The following TBXAS1 variants were observed in gnomAD, a reference collection of about 807,000 sequenced individuals.
TBXAS1 encodes thromboxane A synthase 1, also known as thromboxane-A synthase.
In TBXAS1, 48 loss-of-function variants were observed where a neutral mutation model predicts 60.7. That is an observed-to-expected ratio of 0.79 (90% CI 0.63 to 1.01). The LOEUF (loss-of-function observed/expected upper bound fraction) is 1.01, where lower values mean the gene tolerates loss of function less well. TBXAS1 is among the 50% of genes least tolerant of loss of function. TBXAS1 has a pLI of 0.00. For missense variants in TBXAS1, 685 were observed against 686.3 expected (o/e 1.00, Z 0.02); for synonymous variants, 287 against 269.7 (o/e 1.06, Z -0.63).
chr7:140,003,124 C>CAAA (rs762640788), intron 9 of TBXAS1, among the ~76,000 whole-genome samples: 1 of 33,188 alleles, frequency 3.0e-5, no homozygotes, highest in African/African-American at 1.1e-4. Flanking sequence ...AACTCCGTCT[C>CAAA]AAAAAAAAAA....
In TBXAS1 at chr7:139,880,978, A is replaced by C. The variant is rs1802649019; in HGVS notation, c.236+5341A>C. 2.0e-5 allele frequency among the ~76,000 whole-genome samples: 3 copies of C among 152,346 alleles called. No homozygotes were observed. The South Asian group carries it at 6.2e-4, about 32-fold the overall frequency. ...ATTAAAATGTGTGGTCACAATTTTAAATCTTTACCATTTGATGGTATATTG... is the reference window on the plus strand; with the variant it reads ...ATTAAAATGTGTGGTCACAATTTTACATCTTTACCATTTGATGGTATATTG... On this transcript the variant is annotated intron_variant, in intron 3 of 12. Coordinates refer to ENST00000448866, the MANE Select transcript of TBXAS1 (RefSeq NM_001061.7).
At chr7:139,830,871 G>A (rs963208317) in intron 1 of TBXAS1, among the ~76,000 whole-genome samples, 4 of 151,808 alleles carry the variant, frequency 2.6e-5, no homozygotes, top group South Asian at 2.1e-4. Context: ...TTCTCAAAGC[G>A]GACACTTTTT....
At chr7:139,901,191 G>A (rs1434299577) in intron 3 of TBXAS1, among the ~76,000 whole-genome samples, 2 of 152,106 alleles carry the variant, frequency 1.3e-5, no homozygotes, top group East Asian at 3.8e-4. Flanking sequence ...GAGAGTTTTT[G>A]TAAATATAAA....
intron 9 of TBXAS1, among the ~76,000 whole-genome samples, chr7:139,980,342 C>T (rs1811875381): frequency 6.6e-6 from 1 of 152,122 alleles, no homozygotes; most frequent in Admixed American, 6.5e-5. Context: ...GGCGGGTTTC[C>T]CTAATGAGTT....
intron 9 of TBXAS1, among the ~76,000 whole-genome samples, chr7:139,972,281 G>C (rs952308161): frequency 1.3e-5 from 2 of 152,198 alleles, no homozygotes; most frequent in African/African-American, 4.8e-5. Flanking sequence ...ATATTCAATA[G>C]CTGGGCCTCT....
At chr7:139,905,057 T>TTC (rs796683953) in intron 3 of TBXAS1, among the ~76,000 whole-genome samples, 41 of 107,552 alleles carry the variant, frequency 3.8e-4, no homozygotes, top group East Asian at 7.8e-4. Context: ...CTTTCTTTCT[T>TTC]TCTCTCTCTC....
chr7:139,849,662 G>A (rs4725343), intron 1 of TBXAS1, among the ~76,000 whole-genome samples: 7 of 152,172 alleles, frequency 4.6e-5, no homozygotes, highest in Admixed American at 2.0e-4. Context: ...CACACTCTAG[G>A]AAGGGCAAAG....
chr7:139,816,080 G>T (rs996029373), intron 4 of TBXAS1, among the ~76,000 whole-genome samples: 1 of 152,128 alleles, frequency 6.6e-6, no homozygotes, highest in African/African-American at 2.4e-5. Context: ...GTTCTCATGA[G>T]ATCTGATGGT....
At position 140,004,102 on chromosome 7, in the gene TBXAS1, G is replaced by A. The variant is rs1357898390; in HGVS notation, c.1135-2989G>A. 6.6e-6 allele frequency among the ~76,000 whole-genome samples: 1 copy of A among 152,206 alleles called. No homozygotes were observed. The highest frequency in any genetic ancestry group is 2.1e-4 in the South Asian group (1 of 4,836). On this transcript the variant is annotated intron_variant, in intron 9 of 12. Transcript: ENST00000448866. The surrounding 1 kb of genome is among the most constrained non-coding windows in gnomAD (Gnocchi z 5.1). ...GGTCTCCACTTCCCTGTGTTCAATCGCCACCTGCTGGAGAAAAACTTTTTT... is the reference window on the plus strand; with the variant it reads ...GGTCTCCACTTCCCTGTGTTCAATCACCACCTGCTGGAGAAAAACTTTTTT...
intron 5 of TBXAS1, among the ~76,000 whole-genome samples, chr7:139,951,539 C>T (rs767916939): frequency 1.2e-4 from 15 of 130,026 alleles, no homozygotes; most frequent in Non-Finnish European, 2.3e-4. Flanking sequence ...GGGTGGATCA[C>T]GAGGTCAGGA....
intron 11 of TBXAS1, chr7:140,016,306 T>C (rs368917596): frequency 3.4e-4 from 84 of 250,634 alleles, no homozygotes; most frequent in African/African-American, 1.4e-3. Context: ...CCAGCCTGGG[T>C]GACAGAGCAA....
rs1039026844 is a variant in TBXAS1 at position 139,975,550 on chromosome 7, C to T, written c.1134+13317C>T. Reference sequence around the variant, plus strand: ...GCCTGCTGGGGAGGGAGGCTTGAAGCTGTGTCTGCACTGCATCTTCACAGC... The same window carrying T: ...GCCTGCTGGGGAGGGAGGCTTGAAGTTGTGTCTGCACTGCATCTTCACAGC... On this transcript the variant is annotated intron_variant, in intron 9 of 12. Transcript: ENST00000448866. The surrounding 1 kb of genome is among the most constrained non-coding windows in gnomAD (Gnocchi z 4.4). Among the ~76,000 whole-genome samples, 20 of 152,090 alleles carry T rather than the reference C, an allele frequency of 1.3e-4. No homozygotes were observed. The highest frequency in any genetic ancestry group is 8.5e-4 in the Admixed American group (13 of 15,276).
At chr7:139,906,971 T>C (rs1401123576) in intron 3 of TBXAS1, among the ~76,000 whole-genome samples, 1 of 152,238 alleles carries the variant, frequency 6.6e-6, no homozygotes, top group Non-Finnish European at 1.5e-5. Context: ...GTAGATATCA[T>C]GTCATCTCAA....
chr7:139,912,510 T>C (rs1805610744), intron 4 of TBXAS1, among the ~76,000 whole-genome samples: 1 of 152,174 alleles, frequency 6.6e-6, no homozygotes, highest in South Asian at 2.1e-4. Context: ...TTTTGTTGAT[T>C]ATGTGGCAAA....
At chr7:139,898,413 C>CTTTTTGTTTT (rs1804279506) in intron 3 of TBXAS1, among the ~76,000 whole-genome samples, 1 of 82,222 alleles carries the variant, frequency 1.2e-5, no homozygotes, top group African/African-American at 4.9e-5. Flanking sequence ...ACGTGCATGG[C>CTTTTTGTTTT]TTTTTTTTTT....
chr7:139,954,448 G>T (rs1809675342), intron 6 of TBXAS1, among the ~76,000 whole-genome samples: 1 of 152,188 alleles, frequency 6.6e-6, no homozygotes, highest in African/African-American at 2.4e-5. Flanking sequence ...TTTCACTCTA[G>T]CAGGGAAACG....
intron 5 of TBXAS1, among the ~76,000 whole-genome samples, chr7:139,941,319 G>C (rs1808271311): frequency 6.6e-6 from 1 of 152,154 alleles, no homozygotes; most frequent in Non-Finnish European, 1.5e-5. Context: ...AAAAGCTTTG[G>C]ATGGCGTTGT....
rs370543411 is a variant in TBXAS1 at position 139,852,391 on chromosome 7, TG to T, written c.90-19842del. On this transcript the variant is annotated intron_variant, in intron 1 of 12. Transcript: ENST00000448866. This position sits in a 1 kb window ranked among gnomAD's most constrained non-coding sequence, Gnocchi z 4.4. ...GGCAGGTTCTGTGGGTCTCCACCTG[TG>T]GCTGTGTTCCAGAACCCAGAGAGGT... Among the ~76,000 whole-genome samples the T allele has an allele frequency of 5.6e-4, 85 of 152,312 alleles. No individual in the cohort carries two copies. Among genetic ancestry groups the T allele is most frequent in the African/African-American group, 1.9e-3 (79 of 41,566 alleles).
At chr7:139,906,698 T>C (rs1359233803) in intron 3 of TBXAS1, among the ~76,000 whole-genome samples, 1 of 152,252 alleles carries the variant, frequency 6.6e-6, no homozygotes, top group Non-Finnish European at 1.5e-5. Flanking sequence ...TAAACTGATA[T>C]GCCAGTTTTG....
Sources: gnomAD v4.1 joint callset for allele counts (sites outside exome capture counted in the v4.1 genomes callset) on GRCh38, gnomAD v4.1.1 for gene constraint, Gnocchi (gnomAD v3.1) non-coding constraint, MANE v1.5 for transcripts, NCBI Gene and HGNC (gene_info 2026-07-23, HGNC 2026-07-21) for gene names.